Variants in CHIC2 observed in about 807,000 individuals in gnomAD.
CHIC2 encodes the protein cysteine rich hydrophobic domain 2, also known as cysteine-rich hydrophobic domain-containing protein 2.
A neutral mutation model predicts 25.9 loss-of-function variants in CHIC2; 14 were observed. The observed-to-expected ratio is 0.54, with a 90% CI of 0.36 to 0.85. The LOEUF (loss-of-function observed/expected upper bound fraction) is 0.85, where lower values mean the gene tolerates loss of function less well. CHIC2 is among the 40% of genes least tolerant of loss of function. CHIC2 has a pLI of 0.01. For synonymous variants in CHIC2, 70 were observed against 72.0 expected, an observed-to-expected ratio of 0.97 and a Z score of 0.14; for missense variants, 146 against 202.0, an observed-to-expected ratio of 0.72 and a Z score of 1.68.
At chr4:54,044,915 G>C (rs1023054385) in intron 3 of CHIC2, among the ~76,000 whole-genome samples, 1 of 148,862 alleles carries the variant, frequency 6.7e-6, no homozygotes, top group African/African-American at 2.6e-5. Context: ...GACTAATAAA[G>C]AAGAAAAGAG....
intron 3 of CHIC2, among the ~76,000 whole-genome samples, chr4:54,030,538 AT>A (rs1458012441): frequency 5.1e-4 from 61 of 118,462 alleles, no homozygotes; most frequent in African/African-American, 1.8e-3. Flanking sequence ...AAAAAAAAAA[AT>A]ATATATATAT....
chr4:54,045,927 A>C (rs1185599737), intron 3 of CHIC2, among the ~76,000 whole-genome samples: 1 of 152,176 alleles, frequency 6.6e-6, no homozygotes, highest in East Asian at 1.9e-4. Flanking sequence ...AAATCTCCTT[A>C]AGCTGATAAG....
chr4:54,038,351 T>TA (rs1716455845), intron 3 of CHIC2, among the ~76,000 whole-genome samples: 1 of 152,122 alleles, frequency 6.6e-6, no homozygotes, highest in Admixed American at 6.5e-5. Flanking sequence ...AATCAAAATT[T>TA]AAAAAACAAT....
Position 54,064,386 on chromosome 4 carries a change from G to A in CHIC2, c.-86C>T, listed in dbSNP as rs1717442225. ...CGGCGGGCGAGGCGGCGGAGGCTGAGGGGAGTCGCCGCTGCCGCCGGCTCC... is the reference window on the plus strand; with the variant it reads ...CGGCGGGCGAGGCGGCGGAGGCTGAAGGGAGTCGCCGCTGCCGCCGGCTCC... On this transcript the variant is annotated 5_prime_UTR_variant, in exon 1 of 6. Coordinates refer to ENST00000263921, the MANE Select transcript of CHIC2 (RefSeq NM_012110.4). This position sits in a 1 kb window ranked among gnomAD's most constrained non-coding sequence, Gnocchi z 4.2. The A allele has an allele frequency of 3.8e-6, 6 of 1,565,090 alleles. No individual in the cohort carries two copies. In the Admixed American group the frequency reaches 1.0e-4, roughly 26 times the overall value.
chr4:54,034,588 A>C (rs1357441791), intron 3 of CHIC2, among the ~76,000 whole-genome samples: 1 of 151,658 alleles, frequency 6.6e-6, no homozygotes, highest in East Asian at 1.9e-4. Flanking sequence ...TTTTCATTTT[A>C]ATTTTTTATT....
chr4:54,014,153 A>G, intron 3 of CHIC2, 34 bp from the exon 4 acceptor site: 1 of 1,604,796 alleles, frequency 6.2e-7, no homozygotes, highest in Non-Finnish European at 8.5e-7. Context: ...TTTACTCTTG[A>G]CTGGTTTTAG....
intron 3 of CHIC2, among the ~76,000 whole-genome samples, chr4:54,029,095 C>T (rs1716145341): frequency 6.6e-6 from 1 of 151,430 alleles, no homozygotes; most frequent in African/African-American, 2.4e-5. Context: ...CGCACTCCAG[C>T]CTGCTGACAG....
Position 54,049,229 on chromosome 4 carries a change from A to G in CHIC2, c.174+22T>C, listed in dbSNP as rs1194003382. The G allele has an allele frequency of 3.8e-6, 6 of 1,588,190 alleles. No individual in the cohort carries two copies. In the African/African-American group the frequency reaches 5.4e-5, roughly 14 times the overall value. ...AACTTTCATTTTGAGGCATACAAAT[A>G]GTACATAAATGAGACACTCACTTTT... On this transcript the variant is annotated intron_variant, in intron 2 of 5. Coordinates refer to ENST00000263921, the MANE Select transcript of CHIC2 (RefSeq NM_012110.4).
chr4:54,012,167 T>C (rs1715615137), intron 5 of CHIC2, among the ~76,000 whole-genome samples: 1 of 151,972 alleles, frequency 6.6e-6, no homozygotes, highest in African/African-American at 2.4e-5. Flanking sequence ...ACCCAAACTG[T>C]CTTTGTACTC....
intron 3 of CHIC2, among the ~76,000 whole-genome samples, chr4:54,030,501 C>T (rs983269215): frequency 2.2e-5 from 3 of 137,614 alleles, no homozygotes; most frequent in African/African-American, 8.2e-5. Flanking sequence ...CCACTCTGGG[C>T]AAGAGAGTCC....
intron 5 of CHIC2, among the ~76,000 whole-genome samples, chr4:54,012,063 T>C (rs1715611780): frequency 6.6e-6 from 1 of 151,574 alleles, no homozygotes; most frequent in African/African-American, 2.4e-5. Flanking sequence ...CTATCACAAA[T>C]ATATATATAT....
At chr4:54,016,957 T>C (rs1335775142) in intron 3 of CHIC2, among the ~76,000 whole-genome samples, 1 of 152,062 alleles carries the variant, frequency 6.6e-6, no homozygotes, top group Non-Finnish European at 1.5e-5. Context: ...TATGCAATTA[T>C]TGTTAGTTAA....
At chr4:54,053,331 T>C (rs1577984890) in intron 1 of CHIC2, among the ~76,000 whole-genome samples, 1 of 151,966 alleles carries the variant, frequency 6.6e-6, no homozygotes, top group Admixed American at 6.6e-5. Flanking sequence ...CCAAGGCAGG[T>C]GGATCACCTG....
chr4:54,045,810 C>A lies in CHIC2; in HGVS notation c.330+3145G>T, dbSNP rs771809851. On this transcript the variant is annotated intron_variant, in intron 3 of 5. Transcript: ENST00000263921. ...GGAAGTTCTGGCCAGGGCAATCAGG[C>A]AGGAGAAGGAAATAAAGGGCATTCA... Among the ~76,000 whole-genome samples the A allele has an allele frequency of 5.1e-3, 778 of 151,480 alleles. 1 individual carries two copies. The highest frequency in any genetic ancestry group is 9.0e-3 in the Non-Finnish European group (611 of 67,782).
the CHIC2 span, among the ~76,000 whole-genome samples, chr4:54,079,262 A>G: frequency 6.6e-6 from 1 of 152,144 alleles, no homozygotes; most frequent in Admixed American, 6.5e-5. Flanking sequence ...CCTTCCAGAA[A>G]ACTTTTATCC....
chr4:54,089,392 C>CATATATATATATATATAT, the CHIC2 span, among the ~76,000 whole-genome samples: 70 of 145,180 alleles, frequency 4.8e-4, no homozygotes, highest in Middle Eastern at 7.1e-3. Flanking sequence ...CACCACATTC[C>CATATATATATATATATAT]ATATATATAT....
At chr4:54,017,527 C>T (rs539468736) in intron 3 of CHIC2, among the ~76,000 whole-genome samples, 1 of 152,240 alleles carries the variant, frequency 6.6e-6, no homozygotes, top group East Asian at 1.9e-4. Context: ...CTACAGTGGG[C>T]CTTAATCCTT....
chr4:54,018,772 C>CT (rs1313825846), intron 3 of CHIC2, among the ~76,000 whole-genome samples: 1 of 151,982 alleles, frequency 6.6e-6, no homozygotes, highest in Non-Finnish European at 1.5e-5. Flanking sequence ...TCACTAATAA[C>CT]TATTTATAAA....
chr4:54,087,111 A>G, the CHIC2 span: 1 of 906,830 alleles, frequency 1.1e-6, no homozygotes, highest in East Asian at 2.5e-5. Context: ...CGCTCTGCAG[A>G]GAACTTCTTA....
Sources: gnomAD v4.1 joint callset for allele counts (sites outside exome capture counted in the v4.1 genomes callset) on GRCh38, gnomAD v4.1.1 for gene constraint, Gnocchi (gnomAD v3.1) non-coding constraint, MANE v1.5 for transcripts, NCBI Gene and HGNC (gene_info 2026-07-23, HGNC 2026-07-21) for gene names.